The following RAD51C variants were observed in gnomAD, a reference collection of about 807,000 sequenced individuals.
RAD51C encodes the protein DNA repair protein RAD51 homolog 3.
RAD51C carries 42 observed loss-of-function variants against 45.0 expected under a neutral mutation model. The observed-to-expected ratio is 0.93, with a 90% CI of 0.73 to 1.21. RAD51C has a LOEUF of 1.21. Ranked by LOEUF, RAD51C falls within the 50% of genes most tolerant of loss-of-function variation. RAD51C has a pLI of 0.00. For missense variants in RAD51C, 474 were observed against 452.2 expected (o/e 1.05, Z -0.44); for synonymous variants, 172 against 159.8 (o/e 1.08, Z -0.58).
At chr17:58,702,154 CCTGA>C (rs1328820781) in intron 3 of RAD51C, among the ~76,000 whole-genome samples, 2 of 151,986 alleles carry the variant, frequency 1.3e-5, no homozygotes, top group South Asian at 4.2e-4. Context: ...CACCATCACA[CCTGA>C]CTAATTTCTG....
chr17:58,726,672 G>A (rs563405385), intron 7 of RAD51C, among the ~76,000 whole-genome samples: 22 of 151,148 alleles, frequency 1.5e-4, no homozygotes, highest in Admixed American at 3.3e-4. Flanking sequence ...ATACATATAC[G>A]TATGTATATG....
At chr17:58,709,548 C>T (rs982177249) in intron 4 of RAD51C, 2 of 232,100 alleles carry the variant, frequency 8.6e-6, no homozygotes, top group African/African-American at 4.7e-5. Flanking sequence ...CTGTAATGGA[C>T]TATGGTTTTT....
chr17:58,712,416 CAAT>C (rs2048590147), intron 5 of RAD51C, among the ~76,000 whole-genome samples: 1 of 139,798 alleles, frequency 7.2e-6, no homozygotes, highest in African/African-American at 2.6e-5. Flanking sequence ...AAGTTCTAAA[CAAT>C]AAAAAATGTA....
chr17:58,730,033 A>G (rs1264729480), intron 7 of RAD51C, among the ~76,000 whole-genome samples: 1 of 152,172 alleles, frequency 6.6e-6, no homozygotes, highest in Non-Finnish European at 1.5e-5. Flanking sequence ...TTCATCATTC[A>G]AAAAATGACT....
Position 58,696,859 on chromosome 17 carries a change from GGTAA to G in RAD51C, c.571+3_571+6del. ...TATAGCAGAAAAACACAAGGGAGAG[GGTAA>G]GTTAGTAAATGATCTTCTTTTTTTC... is the stretch of plus-strand genomic sequence containing the variant. On this transcript the variant is annotated splice_donor_variant and splice_donor_region_variant and intron_variant, in intron 3 of 8. Transcript: ENST00000337432. LOFTEE classifies it high-confidence loss of function. 1 of 1,613,868 alleles carries G rather than the reference GGTAA, an allele frequency of 6.2e-7. No individual in the cohort carries two copies. Among genetic ancestry groups the G allele is most frequent in the Non-Finnish European group, 8.5e-7 (1 of 1,179,842 alleles).
rs1060504672 is a variant in RAD51C at position 58,696,708 on chromosome 17, A to G, written c.420A>G (p.Val140=). The change falls in exon 3 of 9, where the codon GTA becomes GTG. Residue 140 remains valine (V), a synonymous_variant. Coordinates refer to ENST00000337432, the MANE Select transcript of RAD51C (RefSeq NM_058216.3). ...GKTQLCMQLA[V]DVQIPECFGG... ...CTGTTGACAGTATGCAGTTGGCAGT[A>G]GATGTGCAGATACCAGAATGTTTTG... 9 of 1,614,192 alleles carry G rather than the reference A, an allele frequency of 5.6e-6. No individual in the cohort carries two copies. The highest frequency in any genetic ancestry group is 7.6e-6 in the Non-Finnish European group (9 of 1,180,036).
At chr17:58,725,011 G>A (rs1454336115) in intron 7 of RAD51C, among the ~76,000 whole-genome samples, 1 of 152,160 alleles carries the variant, frequency 6.6e-6, no homozygotes, top group African/African-American at 2.4e-5. Context: ...TTACGGACCT[G>A]AAGCTCATAA....
chr17:58,716,910 C>G (rs1567805111), intron 5 of RAD51C, among the ~76,000 whole-genome samples: 1 of 152,036 alleles, frequency 6.6e-6, no homozygotes, highest in Admixed American at 6.6e-5. Flanking sequence ...ACACCATTCT[C>G]CTGCCTCAGC....
rs730881927 is a variant in RAD51C, at chr17:58,694,939, A to C, written c.154A>C (p.Ile52Leu). Residue 52 changes from isoleucine (I) to leucine (L), a missense_variant, in exon 2 of 9, where the codon ATA becomes CTA. Transcript: ENST00000337432. Reference sequence around the variant, plus strand: ...TCTTATTTTACTTTCAGAAGTTGGGATATCTAAAGCAGAAGCCTTAGAAAC... The same window carrying C: ...TCTTATTTTACTTTCAGAAGTTGGGCTATCTAAAGCAGAAGCCTTAGAAAC... Reference protein sequence around the residue: ...KPSELSKEVGISKAEALETLQ... With the variant: ...KPSELSKEVGLSKAEALETLQ... The C allele has an allele frequency of 9.9e-6, 16 of 1,612,800 alleles. No individual in the cohort carries two copies. Among genetic ancestry groups the C allele is most frequent in the African/African-American group, 1.3e-5 (1 of 74,906 alleles).
At chr17:58,700,316 G>C (rs1376867701) in intron 3 of RAD51C, 1 of 152,164 alleles carries the variant, frequency 6.6e-6, no homozygotes, top group Non-Finnish European at 1.5e-5. Flanking sequence ...GCAGGAAAAG[G>C]AGTTTTTCTT....
rs2049559372 is a variant in RAD51C, at chr17:58,734,122, A to G, written c.1031A>G (p.Gln344Arg). 1.9e-6 allele frequency: 3 copies of G among 1,612,602 alleles called. No individual in the cohort carries two copies. In the Admixed American group the frequency reaches 5.0e-5, roughly 27 times the overall value. The change falls in exon 9 of 9, where the codon CAG becomes CGG. Residue 344 changes from glutamine to arginine, a missense_variant. Gln to Arg is a conservative substitution (Grantham distance 43, BLOSUM62 1). Transcript: ENST00000337432. ...ECTVLFQIKP[Q>R]GFRDTVVTSA... ...TATATATTTTTTATCTTTCAGCCTC[A>G]GGGATTTAGAGATACTGTTGTTACT...
At chr17:58,707,396 C>T (rs866402712) in intron 4 of RAD51C, among the ~76,000 whole-genome samples, 1 of 151,990 alleles carries the variant, frequency 6.6e-6, no homozygotes, top group Non-Finnish European at 1.5e-5. Flanking sequence ...TGGCGTGTGC[C>T]TGTTAATCCC....
chr17:58,725,157 C>T (rs995504034), intron 7 of RAD51C, among the ~76,000 whole-genome samples: 9 of 151,996 alleles, frequency 5.9e-5, no homozygotes, highest in South Asian at 4.1e-4. Flanking sequence ...TATTGACTGT[C>T]GCCCCCTAAT....
intron 4 of RAD51C, among the ~76,000 whole-genome samples, chr17:58,705,514 A>G (rs2048350233): frequency 6.6e-6 from 1 of 152,010 alleles, no homozygotes; most frequent in South Asian, 2.1e-4. Context: ...TTGTATTTTT[A>G]GTAGAGACAG....
intron 3 of RAD51C, among the ~76,000 whole-genome samples, chr17:58,697,065 C>T (rs563421118): frequency 6.6e-6 from 1 of 152,246 alleles, no homozygotes; most frequent in African/African-American, 2.4e-5. Context: ...TTATGGCCCT[C>T]ACTTCTTCCT....
chr17:58,697,543 AAAAAAAAAAAAAAACC>A (rs1160996107), intron 3 of RAD51C, among the ~76,000 whole-genome samples: 1 of 135,732 alleles, frequency 7.4e-6, no homozygotes, highest in Non-Finnish European at 1.7e-5. Context: ...TGTCTCTTAA[AAAAAAAAAAAAAAACC>A]AAAAAAAAAA....
intron 7 of RAD51C, among the ~76,000 whole-genome samples, chr17:58,728,462 A>T (rs949501959): frequency 1.3e-5 from 2 of 148,540 alleles, no homozygotes; most frequent in African/African-American, 2.5e-5. Flanking sequence ...CAGTGGTGCA[A>T]TCTCAGCTCA....
intron 8 of RAD51C, among the ~76,000 whole-genome samples, chr17:58,733,879 C>G (rs959698318): frequency 1.3e-5 from 2 of 152,046 alleles, no homozygotes; most frequent in Non-Finnish European, 2.9e-5. Context: ...CCACCATGCC[C>G]AGCTAATTTT....
At chr17:58,729,262 G>C (rs1183677325) in intron 7 of RAD51C, among the ~76,000 whole-genome samples, 1 of 152,180 alleles carries the variant, frequency 6.6e-6, no homozygotes, top group East Asian at 1.9e-4. Context: ...TTGTTGCCCA[G>C]GCTGGAGTGC....
Sources: allele counts gnomAD v4.1 joint callset (sites outside exome capture counted in the v4.1 genomes callset), GRCh38; gene constraint gnomAD v4.1.1; transcripts MANE v1.5; gene names NCBI Gene and HGNC (gene_info 2026-07-23, HGNC 2026-07-21).